The following FIG4 variants were observed in gnomAD, a reference collection of about 807,000 sequenced individuals.
FIG4 encodes the protein polyphosphoinositide phosphatase.
A neutral mutation model predicts 118.6 loss-of-function variants in FIG4; 112 were observed. That is an observed-to-expected ratio of 0.94 (90% confidence interval 0.81 to 1.11). FIG4 has a LOEUF of 1.11. Ranked by LOEUF, FIG4 falls within the 50% of genes least tolerant of loss-of-function variation. The pLI, the probability that FIG4 is intolerant of heterozygous loss-of-function variation, is 0.00. For synonymous variants in FIG4, 369 were observed against 381.2 expected, an observed-to-expected ratio of 0.97 and a Z score of 0.37; for missense variants, 969 against 1,111.7, an observed-to-expected ratio of 0.87 and a Z score of 1.83.
chr6:109,727,318 T>C, intron 4 of FIG4, 53 bp downstream of exon 4: 3 of 1,446,412 alleles, frequency 2.1e-6, no homozygotes, highest in Non-Finnish European at 2.9e-6. Context: ...TCTTGCCCTG[T>C]TGCCCAGGCT....
chr6:109,747,587 A>T (rs1477266389), intron 10 of FIG4, among the ~76,000 whole-genome samples: 1 of 152,050 alleles, frequency 6.6e-6, no homozygotes, highest in Admixed American at 6.6e-5. Context: ...TAAGTGATGT[A>T]CTTTTCCCCC....
At chr6:109,796,701 G>T (rs1778296447) in intron 21 of FIG4, 64 bp from the exon 22 acceptor site, 25 of 922,500 alleles carry the variant, frequency 2.7e-5, no homozygotes, top group South Asian at 1.3e-5. Flanking sequence ...CATTTTGTGT[G>T]ATCTACTGAA....
At chr6:109,719,669 C>T (rs533292656) in intron 3 of FIG4, among the ~76,000 whole-genome samples, 5 of 152,254 alleles carry the variant, frequency 3.3e-5, no homozygotes, top group Admixed American at 2.6e-4. Context: ...GTTAGGATTA[C>T]AGGCATAAGC....
intron 22 of FIG4, among the ~76,000 whole-genome samples, chr6:109,798,161 A>G (rs904522885): frequency 6.6e-5 from 10 of 152,216 alleles, no homozygotes; most frequent in African/African-American, 2.4e-4. Flanking sequence ...TTACTATTAC[A>G]GTAATACAGC....
At chr6:109,759,159 C>G (rs1360098017) in intron 10 of FIG4, among the ~76,000 whole-genome samples, 1 of 152,142 alleles carries the variant, frequency 6.6e-6, no homozygotes. Context: ...ATGTTTATTG[C>G]AGCACTATTC....
Position 109,796,826 on chromosome 6 carries a change from A to G in FIG4, c.2521A>G (p.Arg841Gly), listed in dbSNP as rs1778301472. The G allele has an allele frequency of 3.1e-6, 5 of 1,606,984 alleles. No individual in the cohort carries two copies. The highest frequency in any genetic ancestry group is 1.7e-6 in the Non-Finnish European group (2 of 1,173,572). ...QDKNSQQPCS[R>G]CSDGVIKLTP... The stretch of plus-strand genomic sequence containing the variant: ...CAAGAATAGCCAGCAGCCCTGTTCT[A>G]GGTGCTCAGATGGAGTTATAAAACT... The change falls in exon 22 of 23, where the codon AGG becomes GGG. Residue 841 changes from arginine to glycine, a missense_variant. Physicochemically the swap from Arg to Gly is moderately radical, Grantham distance 125. Around this residue, in one of 3 missense-constraint regions of FIG4, gnomAD observed 330 missense variants for 348.1 expected, o/e 0.95. Coordinates refer to ENST00000230124, the MANE Select transcript of FIG4 (RefSeq NM_014845.6).
intron 15 of FIG4, among the ~76,000 whole-genome samples, chr6:109,775,303 G>A (rs1252527578): frequency 6.6e-6 from 1 of 152,146 alleles, no homozygotes; most frequent in African/African-American, 2.4e-5. Context: ...GTAAGTGACC[G>A]TAAACATCAT....
intron 20 of FIG4, 81 bp downstream of exon 20, chr6:109,791,652 T>G (rs1778142570): frequency 7.9e-7 from 1 of 1,261,688 alleles, no homozygotes; most frequent in African/African-American, 1.5e-5. Context: ...GTTAAAAGGC[T>G]GAGAGCAAGA....
chr6:109,743,196 T>C lies in FIG4; in HGVS notation c.963T>C (p.Tyr321=). The change falls in exon 9 of 23, where the codon TAT becomes TAC. Residue 321 remains tyrosine (Y), a synonymous_variant. Coordinates refer to ENST00000230124, the MANE Select transcript of FIG4 (RefSeq NM_014845.6). ...TCACTGCAGGAAGTTATTCTTCATA[T>C]GTACAAGTTAGAGGATCTGTGCCCT... ...MSFTAGSYSS[Y]VQVRGSVPLY... is the part of the protein sequence containing the mutation. 1 of 1,613,036 alleles carries C rather than the reference T, an allele frequency of 6.2e-7. No homozygotes were observed. Among genetic ancestry groups the C allele is most frequent in the Middle Eastern group, 1.7e-4 (1 of 6,050 alleles).
intron 1 of FIG4, among the ~76,000 whole-genome samples, chr6:109,704,280 G>A (rs1774990112): frequency 6.6e-6 from 1 of 152,140 alleles, no homozygotes; most frequent in East Asian, 1.9e-4. Flanking sequence ...CGAGCCTAGT[G>A]CCTGACACAT....
chr6:109,808,539 C>T (rs982355814), intron 22 of FIG4, among the ~76,000 whole-genome samples: 1 of 151,994 alleles, frequency 6.6e-6, no homozygotes, highest in South Asian at 2.1e-4. Flanking sequence ...TTTCAAAGTA[C>T]TATGGTTGTC....
chr6:109,777,658 C>T (rs555537208), intron 16 of FIG4, among the ~76,000 whole-genome samples: 1 of 152,348 alleles, frequency 6.6e-6, no homozygotes, highest in African/African-American at 2.4e-5. Flanking sequence ...TAGAGCAGTG[C>T]TACTAGCTAG....
intron 15 of FIG4, among the ~76,000 whole-genome samples, chr6:109,776,709 A>T (rs1426084018): frequency 6.6e-6 from 1 of 152,206 alleles, no homozygotes; most frequent in African/African-American, 2.4e-5. Flanking sequence ...ATATTTTATG[A>T]GAGGTATGGA....
intron 18 of FIG4, among the ~76,000 whole-genome samples, chr6:109,788,341 A>G (rs1325861301): frequency 6.6e-6 from 1 of 152,230 alleles, no homozygotes; most frequent in Non-Finnish European, 1.5e-5. Context: ...TGTGCTTAGT[A>G]ACACTAAACA....
rs143519316 is a variant in FIG4 at position 109,699,720 on chromosome 6, T to C, written c.66+8219T>C. On this transcript the variant is annotated intron_variant, in intron 1 of 22. Coordinates refer to ENST00000230124, the MANE Select transcript of FIG4 (RefSeq NM_014845.6). Reference sequence around the variant, plus strand: ...GATTTCACCATGTTGGCTAGCCTGGTCTCGAACTCCTGACTTCAAGTGATT... The same window carrying C: ...GATTTCACCATGTTGGCTAGCCTGGCCTCGAACTCCTGACTTCAAGTGATT... Among the ~76,000 whole-genome samples the C allele has an allele frequency of 6.0e-3, 917 of 152,240 alleles. 9 individuals carry two copies. Among genetic ancestry groups the C allele is most frequent in the African/African-American group, 0.021 (887 of 41,540 alleles).
chr6:109,698,971 A>G (rs1416765768), intron 1 of FIG4, among the ~76,000 whole-genome samples: 1 of 152,196 alleles, frequency 6.6e-6, no homozygotes, highest in Non-Finnish European at 1.5e-5. Flanking sequence ...TGATTTTGAT[A>G]TCAGGATAAC....
intron 3 of FIG4, among the ~76,000 whole-genome samples, chr6:109,725,088 G>C (rs1455081706): frequency 6.6e-6 from 1 of 152,060 alleles, no homozygotes. Flanking sequence ...ATTGTTTAGA[G>C]TAATTTTTTT....
At chr6:109,724,080 C>T (rs1430702312) in intron 3 of FIG4, among the ~76,000 whole-genome samples, 1 of 151,912 alleles carries the variant, frequency 6.6e-6, no homozygotes, top group African/African-American at 2.4e-5. Flanking sequence ...GAACGTATAT[C>T]CATTGGTTTT....
At chr6:109,733,459 A>T (rs769021590) in intron 5 of FIG4, among the ~76,000 whole-genome samples, 4 of 152,096 alleles carry the variant, frequency 2.6e-5, no homozygotes, top group Non-Finnish European at 5.9e-5. Flanking sequence ...TAAGGACTTG[A>T]GTCATAAAGA....
Sources: gnomAD v4.1 joint callset for allele counts (sites outside exome capture counted in the v4.1 genomes callset) on GRCh38, gnomAD v4.1.1 for gene constraint, gnomAD v4.1.1 regional missense constraint, MANE v1.5 for transcripts, NCBI Gene and HGNC (gene_info 2026-07-23, HGNC 2026-07-21) for gene names.